The following URI1 variants were observed in gnomAD, a reference collection of about 807,000 sequenced individuals.
URI1 encodes URI1 prefoldin like chaperone, also known as unconventional prefoldin RPB5 interactor 1.
In URI1, 39 loss-of-function variants were observed where a neutral mutation model predicts 60.2. The ratio of observed to expected loss-of-function variants is 0.65; its 90% CI spans 0.50 to 0.85. The LOEUF is 0.85. Among genes scored for constraint, URI1 ranks in the 40% least tolerant of loss-of-function variants. The pLI is 0.00. For synonymous variants in URI1, 251 were observed against 236.8 expected (o/e 1.06, Z -0.55); for missense variants, 691 against 665.9 (o/e 1.04, Z -0.42).
At chr19:29,984,601 C>A (rs1402152227) in intron 2 of URI1, among the ~76,000 whole-genome samples, 1 of 151,948 alleles carries the variant, frequency 6.6e-6, no homozygotes, top group Non-Finnish European at 1.5e-5. Context: ...TGCCAGAGTC[C>A]CTGAAGAGTC....
chr19:29,994,241 A>C (rs2055783059), intron 4 of URI1, among the ~76,000 whole-genome samples: 1 of 152,088 alleles, frequency 6.6e-6, no homozygotes, highest in African/African-American at 2.4e-5. Flanking sequence ...TGAAACTGAT[A>C]CCTTATTGTA....
intron 1 of URI1, chr19:29,956,411 C>G: frequency 2.7e-6 from 4 of 1,477,872 alleles, no homozygotes; most frequent in South Asian, 1.1e-5. Context: ...ACTCTTAGAT[C>G]TGATTCATCA....
intron 1 of URI1, among the ~76,000 whole-genome samples, chr19:29,960,087 T>C (rs1568417569): frequency 1.3e-5 from 2 of 152,194 alleles, no homozygotes; most frequent in Non-Finnish European, 2.9e-5. Context: ...ACCCATAAAT[T>C]GGAAATACAT....
chr19:29,945,128 C>A (rs1260161468), intron 1 of URI1, among the ~76,000 whole-genome samples: 1 of 152,202 alleles, frequency 6.6e-6, no homozygotes, highest in Non-Finnish European at 1.5e-5. Context: ...GAGTTAAACT[C>A]TGCAGAAAAT....
chr19:29,996,561 AACTTG>A (rs370238218), intron 4 of URI1, among the ~76,000 whole-genome samples: 34 of 152,054 alleles, frequency 2.2e-4, no homozygotes, highest in South Asian at 8.3e-4. Flanking sequence ...TAGTAGAGAG[AACTTG>A]ACTTCTTTCC....
intron 1 of URI1, among the ~76,000 whole-genome samples, chr19:29,965,819 A>G (rs556260032): frequency 9.1e-4 from 139 of 152,172 alleles, no homozygotes; most frequent in Non-Finnish European, 1.6e-3. Context: ...TTGTAGGTAA[A>G]GCCAACAAGG....
chr19:29,991,178 T>A (rs191725917), intron 4 of URI1, among the ~76,000 whole-genome samples: 1 of 152,348 alleles, frequency 6.6e-6, no homozygotes, highest in Non-Finnish European at 1.5e-5. Context: ...TCGCACTAAA[T>A]CAACACATTA....
chr19:30,009,363 CT>C lies in URI1; in HGVS notation c.1035+14del. On this transcript the variant is annotated intron_variant, in intron 8 of 10. Coordinates refer to ENST00000392271, the MANE Select transcript of URI1 (RefSeq NM_003796.3). Reference sequence around the variant, plus strand: ...TGTTGAGCCTAAGAGGGTTTGTATACTTTTAACTTTACTAATTTTGCATATA... The same window carrying C: ...TGTTGAGCCTAAGAGGGTTTGTATACTTTAACTTTACTAATTTTGCATATA... 1 of 1,590,524 alleles carries C rather than the reference CT, an allele frequency of 6.3e-7. No individual in the cohort carries two copies. Among genetic ancestry groups the C allele is most frequent in the Non-Finnish European group, 8.6e-7 (1 of 1,165,392 alleles).
intron 1 of URI1, among the ~76,000 whole-genome samples, chr19:29,945,953 C>T (rs1033227953): frequency 6.6e-6 from 1 of 151,952 alleles, no homozygotes; most frequent in Non-Finnish European, 1.5e-5. Context: ...ACTTTCTGAG[C>T]CTGAAAAATG....
chr19:29,925,273 C>T (rs898271331), intron 1 of URI1, among the ~76,000 whole-genome samples: 1 of 152,188 alleles, frequency 6.6e-6, no homozygotes, highest in Non-Finnish European at 1.5e-5. Flanking sequence ...TTTTTGTTTT[C>T]CAGTTGAATT....
chr19:30,003,235 C>T (rs894652590), intron 4 of URI1, among the ~76,000 whole-genome samples: 2 of 152,050 alleles, frequency 1.3e-5, no homozygotes, highest in Middle Eastern at 3.4e-3. Context: ...ATTGTGAGCA[C>T]CAGGTTCGTT....
intron 1 of URI1, among the ~76,000 whole-genome samples, chr19:29,946,222 C>T (rs543753369): frequency 3.0e-4 from 45 of 152,178 alleles, no homozygotes; most frequent in Non-Finnish European, 5.6e-4. Context: ...CCTGTCTAGA[C>T]TGTGACCTAT....
At chr19:29,999,624 C>G (rs1201153624) in intron 4 of URI1, among the ~76,000 whole-genome samples, 1 of 151,856 alleles carries the variant, frequency 6.6e-6, no homozygotes, top group Non-Finnish European at 1.5e-5. Flanking sequence ...TGTTGTTCAA[C>G]AGTTTGATTA....
intron 1 of URI1, among the ~76,000 whole-genome samples, chr19:29,948,766 ATT>A (rs1316534042): frequency 2.0e-5 from 3 of 152,146 alleles, no homozygotes; most frequent in Non-Finnish European, 4.4e-5. Flanking sequence ...CAACAATCCG[ATT>A]CCTTTATCTT....
chr19:29,956,050 T>G (rs958849178), intron 1 of URI1, among the ~76,000 whole-genome samples: 6 of 150,922 alleles, frequency 4.0e-5, no homozygotes, highest in Non-Finnish European at 7.4e-5. Context: ...AATGGAGTGG[T>G]CTTGGCTCAT....
At position 30,015,395 on chromosome 19, in the gene URI1, G is replaced by T; in HGVS notation, c.*326G>T. ...TTTTTGTGTTTCAAACTAAATACAG[G>T]CAGTTTTGTGCCAGCTGTGATATTG... is the stretch of plus-strand genomic sequence containing the variant. On this transcript the variant is annotated 3_prime_UTR_variant, in exon 11 of 11. Transcript: ENST00000392271. 7.0e-7 allele frequency: 1 copy of T among 1,434,368 alleles called. No homozygotes were observed. Among genetic ancestry groups the T allele is most frequent in the South Asian group, 1.6e-5 (1 of 64,062 alleles). The allele number at this position is 1,434,368 out of a possible 1,614,324, so 88.9% of individuals were successfully genotyped here. A position where few individuals can be genotyped will look rare whatever the true frequency, so the allele number is the denominator to read the frequency against.
chr19:29,985,260 A>G lies in URI1; in HGVS notation c.190A>G (p.Arg64Gly), dbSNP rs2055653198. 6.2e-7 allele frequency: 1 copy of G among 1,611,066 alleles called. No homozygotes were observed. Among genetic ancestry groups the G allele is most frequent in the Non-Finnish European group, 8.5e-7 (1 of 1,178,270 alleles). The change falls in exon 3 of 11, where the codon AGA (arginine) becomes GGA (glycine). Residue 64 changes from arginine (R) to glycine (G), a missense_variant. By Grantham distance (125) the Arg-to-Gly change is moderately radical. Coordinates refer to ENST00000392271, the MANE Select transcript of URI1 (RefSeq NM_003796.3). Reference protein sequence around the residue: ...VDNDYNALRERLSTLPDKLSY... With the variant: ...VDNDYNALREGLSTLPDKLSY... ...TAATGACTATAATGCCCTTCGAGAA[A>G]GACTCAGCACCTTGCCTGATAAATT...
intron 1 of URI1, among the ~76,000 whole-genome samples, chr19:29,932,213 G>A (rs74256423): frequency 0.11 from 16,096 of 152,040 alleles, 1,329 homozygotes; most frequent in East Asian, 0.22. Context: ...TAACGTTGAA[G>A]AGGTTCGTTT....
chr19:29,961,936 C>T (rs756474259), intron 1 of URI1, among the ~76,000 whole-genome samples: 14 of 152,114 alleles, frequency 9.2e-5, no homozygotes, highest in Non-Finnish European at 1.5e-4. Flanking sequence ...CCACCCACCT[C>T]GGCCTCCCAA....
Sources: gnomAD v4.1 joint callset for allele counts (sites outside exome capture counted in the v4.1 genomes callset) on GRCh38, gnomAD v4.1.1 for gene constraint, MANE v1.5 for transcripts, NCBI Gene and HGNC (gene_info 2026-07-23, HGNC 2026-07-21) for gene names.